EXOC4: variants seen among roughly 807,000 people sequenced by gnomAD.
The protein encoded by EXOC4 is SEC8-like 1.
In EXOC4, 71 loss-of-function variants were observed where a neutral mutation model predicts 107.2. The observed-to-expected ratio is 0.66, with a 90% CI of 0.55 to 0.81. The LOEUF (loss-of-function observed/expected upper bound fraction) is 0.81. EXOC4 is among the 30% of genes least tolerant of loss of function. The pLI, the probability that EXOC4 is intolerant of heterozygous loss-of-function variation, is 0.00. For missense variants in EXOC4, 1,108 were observed against 1,189.6 expected (o/e 0.93, Z 1.01); for synonymous variants, 456 against 441.2 (o/e 1.03, Z -0.42).
intron 11 of EXOC4, among the ~76,000 whole-genome samples, chr7:133,883,726 C>G (rs1223413514): frequency 6.6e-6 from 1 of 152,084 alleles, no homozygotes; most frequent in African/African-American, 2.4e-5. Context: ...ACACTCATTT[C>G]TGTGGGAGGT....
chr7:133,586,866 C>T lies in EXOC4; in HGVS notation c.1418-43179C>T, dbSNP rs189536054. Among the ~76,000 whole-genome samples, 58 of 152,130 alleles carry T rather than the reference C, an allele frequency of 3.8e-4. No homozygotes were observed. In the East Asian group the frequency reaches 8.7e-3, roughly 23 times the overall value. ...TGTTTTTTGAGGCAGAGTCTCACTCCGTCACCCAGGCTGGAGTGTAATGGT... is the reference window on the plus strand; with the variant it reads ...TGTTTTTTGAGGCAGAGTCTCACTCTGTCACCCAGGCTGGAGTGTAATGGT... On this transcript the variant is annotated intron_variant, in intron 9 of 17. Transcript: ENST00000253861.
At chr7:133,972,288 A>G (rs970011045) in intron 14 of EXOC4, among the ~76,000 whole-genome samples, 14 of 151,976 alleles carry the variant, frequency 9.2e-5, no homozygotes, top group East Asian at 1.9e-4. Context: ...ATTATTTTCC[A>G]TTTTTTCAAT....
the EXOC4 span, among the ~76,000 whole-genome samples, chr7:134,100,578 C>T: frequency 4.5e-4 from 59 of 129,764 alleles, 11 homozygotes; most frequent in African/African-American, 1.4e-3. Flanking sequence ...ACTGGAACCA[C>T]GGTCTGTAAA....
chr7:133,515,640 C>A (rs1799861907), intron 9 of EXOC4, among the ~76,000 whole-genome samples: 1 of 151,966 alleles, frequency 6.6e-6, no homozygotes, highest in African/African-American at 2.4e-5. Flanking sequence ...GGCTAATTTT[C>A]AAATTTTTTG....
At chr7:133,954,993 A>C (rs1800780516) in intron 14 of EXOC4, among the ~76,000 whole-genome samples, 1 of 152,212 alleles carries the variant, frequency 6.6e-6, no homozygotes, top group Admixed American at 6.5e-5. Context: ...CGGAGCCCCA[A>C]AGGGGATGTC....
At chr7:133,267,123 C>T (rs1793748610) in intron 1 of EXOC4, among the ~76,000 whole-genome samples, 1 of 152,204 alleles carries the variant, frequency 6.6e-6, no homozygotes, top group Admixed American at 6.5e-5. Context: ...CAAGCCATCT[C>T]ACATCTTTTT....
intron 9 of EXOC4, among the ~76,000 whole-genome samples, chr7:133,591,023 C>T (rs1403769300): frequency 1.3e-5 from 2 of 152,220 alleles, no homozygotes; most frequent in African/African-American, 2.4e-5. Flanking sequence ...GCCCCAGCCC[C>T]TGCACCTGCT....
At chr7:133,751,623 G>A (rs915441836) in intron 10 of EXOC4, among the ~76,000 whole-genome samples, 8 of 152,094 alleles carry the variant, frequency 5.3e-5, no homozygotes, top group Non-Finnish European at 1.0e-4. Flanking sequence ...CTTGATTTGG[G>A]TGTTTGTTCT....
chr7:134,061,000 G>A (rs918235163), intron 17 of EXOC4, among the ~76,000 whole-genome samples: 5 of 152,184 alleles, frequency 3.3e-5, no homozygotes, highest in South Asian at 2.1e-4. Flanking sequence ...CTGTCATTCC[G>A]GGATTTATAA....
chr7:133,743,489 T>C (rs1795610812), intron 10 of EXOC4, among the ~76,000 whole-genome samples: 1 of 152,214 alleles, frequency 6.6e-6, no homozygotes. Flanking sequence ...CTGTTTCATG[T>C]CATCAGTTTC....
At chr7:133,289,258 G>C (rs2178688) in intron 3 of EXOC4, 142 bp downstream of exon 3, 376,995 of 613,374 alleles carry the variant, frequency 0.61, 120,560 homozygotes, top group African/African-American at 0.91. Flanking sequence ...TGAAGCCTGG[G>C]TATTTCTCTA....
chr7:133,977,414 T>G (rs1793863790), intron 14 of EXOC4, among the ~76,000 whole-genome samples: 1 of 152,178 alleles, frequency 6.6e-6, no homozygotes, highest in South Asian at 2.1e-4. Context: ...AGAGTTTATG[T>G]AGCAAAAATA....
In EXOC4 at chr7:133,940,573, A is replaced by G. The variant is rs575968049; in HGVS notation, c.2206+2504A>G. Among the ~76,000 whole-genome samples, 18 of 152,318 alleles carry G rather than the reference A, an allele frequency of 1.2e-4. 1 individual carries two copies. In the South Asian group the frequency reaches 3.5e-3, roughly 30 times the overall value. ...GTAATCACTACTTATGGTGTCTGCT[A>G]AAACAAAGCATCAAGCAAGCCTGGT... On this transcript the variant is annotated intron_variant, in intron 14 of 17. Coordinates refer to ENST00000253861, the MANE Select transcript of EXOC4 (RefSeq NM_021807.4).
intron 17 of EXOC4, among the ~76,000 whole-genome samples, chr7:134,025,998 A>G (rs1170335294): frequency 2.0e-5 from 3 of 152,184 alleles, no homozygotes; most frequent in Admixed American, 2.0e-4. Context: ...TGTGCACCCA[A>G]CGCAGTGCCT....
At chr7:133,916,482 C>G (rs1799810631) in intron 12 of EXOC4, among the ~76,000 whole-genome samples, 1 of 140,924 alleles carries the variant, frequency 7.1e-6, no homozygotes, top group Non-Finnish European at 1.5e-5. Context: ...TTGCCGAGGC[C>G]AGTCTTGAAC....
intron 9 of EXOC4, chr7:133,576,649 G>A (rs1224050887): frequency 1.6e-6 from 2 of 1,289,714 alleles, no homozygotes; most frequent in Non-Finnish European, 2.0e-6. Context: ...ATCTCACTCA[G>A]TTGAAAAAGA....
At chr7:133,547,949 CA>C (rs1800514405) in intron 9 of EXOC4, among the ~76,000 whole-genome samples, 1 of 152,030 alleles carries the variant, frequency 6.6e-6, no homozygotes, top group Admixed American at 6.5e-5. Context: ...GAATCCTTTC[CA>C]AAAGGTTTTC....
chr7:133,379,905 A>C (rs1796575239), intron 7 of EXOC4, among the ~76,000 whole-genome samples: 1 of 152,190 alleles, frequency 6.6e-6, no homozygotes, highest in African/African-American at 2.4e-5. Flanking sequence ...AAATTCCATC[A>C]GTTATTAACA....
chr7:133,504,381 C>T (rs753108862), intron 9 of EXOC4, among the ~76,000 whole-genome samples: 1 of 152,042 alleles, frequency 6.6e-6, no homozygotes, highest in African/African-American at 2.4e-5. Context: ...GTTTTTTCTC[C>T]TTTAATGTGA....
Sources: allele counts gnomAD v4.1 joint callset (sites outside exome capture counted in the v4.1 genomes callset), GRCh38; gene constraint gnomAD v4.1.1; transcripts MANE v1.5; gene names NCBI Gene and HGNC (gene_info 2026-07-23, HGNC 2026-07-21).